TTN: variants seen among roughly 807,000 people sequenced by gnomAD.
TTN encodes the protein connectin.
TTN carries 1,525 observed loss-of-function variants against 3,223.0 expected under a neutral mutation model. The ratio of observed to expected loss-of-function variants is 0.47; its 90% CI spans 0.45 to 0.49. TTN has a LOEUF of 0.49. Among genes scored for constraint, TTN ranks in the 20% least tolerant of loss-of-function variants. The pLI is 0.00. For synonymous variants in TTN, 14,094 were observed against 15,161.0 expected, an observed-to-expected ratio of 0.93 and a Z score of 5.17; for missense variants, 40,786 against 43,424.0, an observed-to-expected ratio of 0.94 and a Z score of 5.40.
At chr2:178,684,246 C>A (rs1210305599) in intron 132 of TTN, 84 bp downstream of exon 132, 12 of 1,469,484 alleles carry the variant, frequency 8.2e-6, no homozygotes, top group South Asian at 4.9e-5. Flanking sequence ...ACAACAACAA[C>A]AAAAACCAGC....
At position 178,730,742 on chromosome 2, in the gene TTN, T is replaced by C. The variant is rs556014670; in HGVS notation, c.17791A>G (p.Ile5931Val). Residue 5931 changes from isoleucine (I) to valine (V), a missense_variant, in exon 61 of 363, where the codon ATT becomes GTT. Transcript: ENST00000589042. ...FTKKLKKMDS[I>V]KGSFIDLECI... is the part of the protein sequence containing the mutation. ...TCTAAATCAATGAAAGAACCTTTAA[T>C]GCTGTCCATTTTCTTCAGCTTTTTG... The C allele has an allele frequency of 6.2e-7, 1 of 1,610,702 alleles. No individual in the cohort carries two copies. The highest frequency in any genetic ancestry group is 1.3e-5 in the African/African-American group (1 of 74,960).
Position 178,677,305 on chromosome 2 carries a change from T to G in TTN, c.34292-18A>C, listed in dbSNP as rs2154268300. The G allele has an allele frequency of 1.2e-5, 14 of 1,169,248 alleles. No homozygotes were observed. In the South Asian group the frequency reaches 4.8e-4, roughly 40 times the overall value. 72.4% of individuals were successfully genotyped at this position (1,169,248 alleles called of 1,614,324 possible). On this transcript the variant is annotated intron_variant, in intron 146 of 362. Transcript: ENST00000589042. ...TTCAGGCACTTAAAAACATTTCATTTGAAGGCATTAAAAACCACATATACA... is the reference window on the plus strand; with the variant it reads ...TTCAGGCACTTAAAAACATTTCATTGGAAGGCATTAAAAACCACATATACA...
intron 6 of TTN, among the ~76,000 whole-genome samples, chr2:178,797,123 A>C (rs1451224467): frequency 1.3e-5 from 2 of 152,192 alleles, no homozygotes; most frequent in African/African-American, 4.8e-5. Context: ...CCATGATTCT[A>C]AATGACCCTT....
intron 344 of TTN, 142 bp from the exon 345 acceptor site, chr2:178,544,648 A>T: frequency 1.6e-6 from 1 of 643,384 alleles, no homozygotes; most frequent in South Asian, 2.1e-5. Context: ...TGGGCTCCTG[A>T]TATTATAGGA....
chr2:178,576,175 G>A lies in TTN; in HGVS notation c.69957C>T (p.Ile23319=). 2.5e-6 allele frequency: 4 copies of A among 1,613,070 alleles called. No individual in the cohort carries two copies. Among genetic ancestry groups the A allele is most frequent in the Non-Finnish European group, 3.4e-6 (4 of 1,179,416 alleles). Residue 23319 remains isoleucine, a synonymous_variant, in exon 326 of 363, where the codon ATC becomes ATT. Coordinates refer to ENST00000589042, the MANE Select transcript of TTN (RefSeq NM_001267550.2). This position sits in a 1 kb window ranked among gnomAD's most constrained non-coding sequence, Gnocchi z 4.3. ...CTGGCTCCCCAACACCTGCATCGTTGATGGCACTGATTCTGAAGTTGTATT... is the reference window on the plus strand; with the variant it reads ...CTGGCTCCCCAACACCTGCATCGTTAATGGCACTGATTCTGAAGTTGTATT... ...KEKYNFRISA[I]NDAGVGEPAV...
chr2:178,532,242 G>A lies in TTN; in HGVS notation c.104373C>T (p.Asp34791=). 6.2e-7 allele frequency: 1 copy of A among 1,613,622 alleles called. No homozygotes were observed. Among genetic ancestry groups the A allele is most frequent in the Non-Finnish European group, 8.5e-7 (1 of 1,179,866 alleles). ...TAGACTTTTCCTCCTTTGACATGAAGTCAAGTTCGCTTTTGTATTCTGAGA... is the reference window on the plus strand; with the variant it reads ...TAGACTTTTCCTCCTTTGACATGAAATCAAGTTCGCTTTTGTATTCTGAGA... The part of the protein sequence containing the change: ...QHLSEYKSEL[D]FMSKEEKSRK... Residue 34791 remains aspartate, a synonymous_variant, in exon 358 of 363, where the codon GAC becomes GAT. Coordinates refer to ENST00000589042, the MANE Select transcript of TTN (RefSeq NM_001267550.2).
At chr2:178,768,999 G>C (rs2091019902) in intron 37 of TTN, 66 bp from the exon 38 acceptor site, 1 of 1,580,940 alleles carries the variant, frequency 6.3e-7, no homozygotes, top group South Asian at 1.1e-5. Flanking sequence ...GTTATAACAG[G>C]TGCAGAATAA....
chr2:178,541,715 A>G (rs1694612793), intron 349 of TTN, 131 bp from the exon 350 acceptor site: 4 of 583,524 alleles, frequency 6.9e-6, no homozygotes, highest in African/African-American at 3.9e-5. Context: ...TATTTTTCCA[A>G]TAGTTTCACT....
intron 6 of TTN, among the ~76,000 whole-genome samples, 154 bp from the exon 7 acceptor site, chr2:178,795,406 A>C (rs2093714108): frequency 6.6e-6 from 1 of 152,158 alleles, no homozygotes; most frequent in Non-Finnish European, 1.5e-5. Flanking sequence ...ACTTGGAAGT[A>C]ATTTGTTTTA....
intron 100 of TTN, 39 bp downstream of exon 100, chr2:178,707,487 G>C (rs1212377090): frequency 1.9e-6 from 3 of 1,548,414 alleles, no homozygotes; most frequent in Non-Finnish European, 2.6e-6. Flanking sequence ...ATGAGTGGTT[G>C]CTGGCTTGAG....
Position 178,563,758 on chromosome 2 carries a change from A to G in TTN, c.82374T>C (p.Ser27458=). Residue 27458 remains serine (S), a synonymous_variant, in exon 326 of 363, where the codon TCT becomes TCC. Coordinates refer to ENST00000589042, the MANE Select transcript of TTN (RefSeq NM_001267550.2). This position sits in a 1 kb window ranked among gnomAD's most constrained non-coding sequence, Gnocchi z 4.5. ...AAGGATTACAGGCCGTAACAGGCCC[A>G]GATTCCAAGGGCTCTCCAATTCCAT... is the stretch of plus-strand genomic sequence containing the variant. ...NKYGIGEPLE[S]GPVTACNPYK... is the part of the protein sequence containing the mutation. The G allele has an allele frequency of 6.2e-7, 1 of 1,613,752 alleles. No homozygotes were observed. Among genetic ancestry groups the G allele is most frequent in the South Asian group, 1.1e-5 (1 of 91,076 alleles).
chr2:178,558,583 A>G lies in TTN; in HGVS notation c.86876T>C (p.Val28959Ala), dbSNP rs752544445. 1.9e-6 allele frequency: 3 copies of G among 1,613,714 alleles called. No homozygotes were observed. Among genetic ancestry groups the G allele is most frequent in the Non-Finnish European group, 2.5e-6 (3 of 1,179,780 alleles). ...LGVTSISKDS[V>A]SLTWLKPEHD... The stretch of plus-strand genomic sequence containing the variant: ...TTCAGGCTTCAGCCAGGTCAGGGAA[A>G]CACTGTCTTTGGATATACTTGTTAC... Residue 28959 changes from valine to alanine, a missense_variant, in exon 327 of 363, where the codon GTT becomes GCT. Transcript: ENST00000589042.
At chr2:178,762,139 G>A (rs2089386805) in intron 43 of TTN, among the ~76,000 whole-genome samples, 1 of 152,084 alleles carries the variant, frequency 6.6e-6, no homozygotes, top group South Asian at 2.1e-4. Context: ...GGAAAGCAGG[G>A]CTACACTTAC....
chr2:178,750,103 A>G, intron 47 of TTN: 2 of 1,613,186 alleles, frequency 1.2e-6, no homozygotes, highest in Non-Finnish European at 8.5e-7. Context: ...CAGGAAAGGA[A>G]AGCAATTCTG....
At position 178,635,572 on chromosome 2, in the gene TTN, T is replaced by C. The variant is rs2060334868; in HGVS notation, c.41752A>G (p.Asn13918Asp). The change falls in exon 227 of 363, where the codon AAT becomes GAT. Residue 13918 changes from asparagine (N) to aspartate (D), a missense_variant. Transcript: ENST00000589042. ...TCTCTCAGTATTTCAGTCTTATCAT[T>C]TGGTTCCGCAGGGATTTCATCATAT... is the stretch of plus-strand genomic sequence containing the variant. The part of the protein sequence containing the change: ...KGYDEIPAEP[N>D]DKTEILRDGN... The C allele has an allele frequency of 3.1e-6, 5 of 1,594,694 alleles. No individual in the cohort carries two copies. The African/African-American group carries it at 4.0e-5, about 13-fold the overall frequency.
Position 178,570,251 on chromosome 2 carries a change from T to C in TTN, c.75881A>G (p.Glu25294Gly). 6.2e-7 allele frequency: 1 copy of C among 1,613,390 alleles called. No individual in the cohort carries two copies. The highest frequency in any genetic ancestry group is 8.5e-7 in the Non-Finnish European group (1 of 1,179,616). Residue 25294 changes from glutamate to glycine, a missense_variant, in exon 326 of 363, where the codon GAG (glutamate) becomes GGG (glycine). By Grantham distance (98) the Glu-to-Gly change is moderately conservative. Coordinates refer to ENST00000589042, the MANE Select transcript of TTN (RefSeq NM_001267550.2). ...KYGVGEPLES[E>G]PVVAKNPFVV... ...AAATGGATTCTTGGCAACTACTGGC[T>C]CAGATTCAAGAGGTTCACCAACACC...
chr2:178,598,421 T>C, intron 292 of TTN, 85 bp downstream of exon 292: 1 of 1,481,374 alleles, frequency 6.8e-7, no homozygotes. Context: ...CCAAAAAGTA[T>C]AGACAGAAGT....
In TTN at chr2:178,795,185, G is replaced by T; in HGVS notation, c.982C>A (p.Arg328Ser). The part of the protein sequence containing the change: ...IRSVRSPLLM[R>S]KTQASTVATG... ...GCCACGGTGGATGCCTGAGTCTTAC[G>T]CATGAGCAATGGAGACCTAACAGAC... The change falls in exon 7 of 363, where the codon CGT (arginine) becomes AGT (serine). Residue 328 changes from arginine to serine, a missense_variant. Arg to Ser is a moderately radical substitution (Grantham distance 110). Transcript: ENST00000589042. 1 of 1,613,998 alleles carries T rather than the reference G, an allele frequency of 6.2e-7. No individual in the cohort carries two copies. The highest frequency in any genetic ancestry group is 1.1e-5 in the South Asian group (1 of 91,070).
rs1379034586 is a variant in TTN, at chr2:178,608,298, C to T, written c.52585G>A (p.Ala17529Thr). The change falls in exon 275 of 363, where the codon GCC becomes ACC. Residue 17529 changes from alanine (A) to threonine (T), a missense_variant. Physicochemically the swap from Ala to Thr is moderately conservative, Grantham distance 58 (BLOSUM62 0). Transcript: ENST00000589042. ...VNKSLLNALK[A>T]NVDGLLEGLT... is the part of the protein sequence containing the mutation. ...CCTTCTAATAAGCCATCTACATTGG[C>T]TTTCAAGGCATTCAGAAGGCTTTTG... 3.7e-6 allele frequency: 6 copies of T among 1,612,182 alleles called. No individual in the cohort carries two copies. The highest frequency in any genetic ancestry group is 5.1e-6 in the Non-Finnish European group (6 of 1,179,136).
Sources: allele counts gnomAD v4.1 joint callset (sites outside exome capture counted in the v4.1 genomes callset), GRCh38; gene constraint gnomAD v4.1.1; non-coding constraint Gnocchi (gnomAD v3.1); transcripts MANE v1.5; gene names NCBI Gene and HGNC (gene_info 2026-07-23, HGNC 2026-07-21).